Variants in SKAP2 observed in about 807,000 individuals in gnomAD.
The protein encoded by SKAP2 is src kinase associated phosphoprotein 2, also known as src kinase-associated phosphoprotein 2.
SKAP2 carries 28 observed loss-of-function variants against 54.9 expected under a neutral mutation model. The observed-to-expected ratio is 0.51, with a 90% confidence interval of 0.38 to 0.70. The LOEUF is 0.70. SKAP2 is among the 30% of genes least tolerant of loss of function. The pLI is 0.00. For missense variants in SKAP2, 356 were observed against 424.1 expected (o/e 0.84, Z 1.41); for synonymous variants, 137 against 134.3 (o/e 1.02, Z -0.14).
chr7:26,754,201 T>G (rs937641172), intron 4 of SKAP2, among the ~76,000 whole-genome samples: 6 of 151,912 alleles, frequency 3.9e-5, no homozygotes, highest in Non-Finnish European at 8.8e-5. Flanking sequence ...CCTTCTCCAC[T>G]GAAAATACAA....
chr7:26,760,855 C>G (rs916926728), intron 4 of SKAP2, among the ~76,000 whole-genome samples: 1 of 152,072 alleles, frequency 6.6e-6, no homozygotes, highest in Non-Finnish European at 1.5e-5. Flanking sequence ...CATGAAAGAA[C>G]TGTCTGACCA....
chr7:26,753,829 T>A (rs12700760), intron 4 of SKAP2, among the ~76,000 whole-genome samples: 94,060 of 151,886 alleles, frequency 0.62, 29,701 homozygotes, highest in East Asian at 0.88. Flanking sequence ...ATAAAGAGAT[T>A]CAAGAAACCA....
chr7:26,785,156 T>C (rs933484942), intron 4 of SKAP2, among the ~76,000 whole-genome samples: 1 of 152,062 alleles, frequency 6.6e-6, no homozygotes, highest in Non-Finnish European at 1.5e-5. Context: ...GGAAAAAAGA[T>C]CATGCCTTTA....
chr7:26,752,005 G>T (rs1180086784), intron 4 of SKAP2, among the ~76,000 whole-genome samples: 1 of 152,056 alleles, frequency 6.6e-6, no homozygotes, highest in African/African-American at 2.4e-5. Context: ...TGGGGTGAAA[G>T]GTATATGGGA....
At chr7:26,730,065 T>C (rs1787789880) in intron 6 of SKAP2, among the ~76,000 whole-genome samples, 1 of 152,112 alleles carries the variant, frequency 6.6e-6, no homozygotes, top group Non-Finnish European at 1.5e-5. Flanking sequence ...TGCAGAACCA[T>C]AACCATGAAG....
chr7:26,757,200 T>G (rs926143949), intron 4 of SKAP2, among the ~76,000 whole-genome samples: 14 of 152,248 alleles, frequency 9.2e-5, no homozygotes, highest in African/African-American at 1.4e-4. Context: ...GTCAATTTTG[T>G]CTTTTGTTGC....
intron 1 of SKAP2, chr7:26,857,785 G>C: frequency 1.0e-6 from 1 of 955,986 alleles, no homozygotes; most frequent in Non-Finnish European, 1.2e-6. Context: ...CAAGCAATAA[G>C]AGTCTTGGGC....
At chr7:26,718,764 A>G (rs1584349673) in intron 9 of SKAP2, among the ~76,000 whole-genome samples, 1 of 151,940 alleles carries the variant, frequency 6.6e-6, no homozygotes, top group Non-Finnish European at 1.5e-5. Context: ...TCGGCCTCCC[A>G]AAGTGCTGGG....
intron 9 of SKAP2, among the ~76,000 whole-genome samples, chr7:26,720,405 A>C (rs916760305): frequency 4.6e-5 from 7 of 152,230 alleles, no homozygotes; most frequent in African/African-American, 1.4e-4. Context: ...CTATGAACAA[A>C]TATTCAGCAA....
Position 26,826,920 on chromosome 7 carries a change from A to C in SKAP2, c.307+17110T>G, listed in dbSNP as rs911615860. On this transcript the variant is annotated intron_variant, in intron 4 of 12. Transcript: ENST00000345317. ...TCTTACTACTTTTATTTTAAAAATCAATTACATCTTATAAGACATATTTTC... is the reference window on the plus strand; with the variant it reads ...TCTTACTACTTTTATTTTAAAAATCCATTACATCTTATAAGACATATTTTC... Among the ~76,000 whole-genome samples the C allele has an allele frequency of 3.9e-5, 6 of 152,326 alleles. 1 individual carries two copies. The highest frequency in any genetic ancestry group is 1.9e-4 in the East Asian group (1 of 5,186).
Position 26,725,714 on chromosome 7 carries a change from T to A in SKAP2, c.659-149A>T. On this transcript the variant is annotated intron_variant, in intron 8 of 12. Coordinates refer to ENST00000345317, the MANE Select transcript of SKAP2 (RefSeq NM_003930.5). ...CTAAAAACATGTTTAAAAATTGTTT[T>A]GTAAATATGTGAATTTTAAAGTAAG... 3.1e-6 allele frequency: 3 copies of A among 975,826 alleles called. No homozygotes were observed. The South Asian group carries it at 5.4e-5, about 17-fold the overall frequency. 60.4% of individuals were successfully genotyped at this position (975,826 alleles called of 1,614,324 possible).
chr7:26,854,718 T>C, intron 2 of SKAP2, 67 bp downstream of exon 2: 1 of 1,437,154 alleles, frequency 7.0e-7, no homozygotes, highest in Non-Finnish European at 9.4e-7. Flanking sequence ...ATCGATTTCT[T>C]ATTAAAATGT....
intron 9 of SKAP2, among the ~76,000 whole-genome samples, chr7:26,706,107 T>C (rs900554861): frequency 5.3e-5 from 8 of 152,204 alleles, no homozygotes; most frequent in African/African-American, 1.9e-4. Flanking sequence ...ACAATAACTC[T>C]TTCTAACAAA....
chr7:26,771,451 T>C (rs1783186713), intron 4 of SKAP2, among the ~76,000 whole-genome samples: 1 of 152,184 alleles, frequency 6.6e-6, no homozygotes, highest in Non-Finnish European at 1.5e-5. Flanking sequence ...ATTCACAAAG[T>C]TATAGTGAAC....
intron 4 of SKAP2, among the ~76,000 whole-genome samples, chr7:26,780,213 T>C (rs1783397825): frequency 6.6e-6 from 1 of 152,112 alleles, no homozygotes; most frequent in Non-Finnish European, 1.5e-5. Flanking sequence ...AATGAGTTAA[T>C]GTGTGAAAAG....
chr7:26,850,234 T>G (rs570057818), intron 3 of SKAP2, among the ~76,000 whole-genome samples: 1 of 152,176 alleles, frequency 6.6e-6, no homozygotes, highest in African/African-American at 2.4e-5. Flanking sequence ...TTCGGGAGGA[T>G]ACTTTATAAT....
chr7:26,797,312 G>A (rs1174720676), intron 4 of SKAP2, among the ~76,000 whole-genome samples: 3 of 152,190 alleles, frequency 2.0e-5, no homozygotes, highest in Non-Finnish European at 4.4e-5. Flanking sequence ...GGCCGCCACG[G>A]GGGTGCCTGT....
Position 26,844,140 on chromosome 7 carries a change from G to A in SKAP2, c.200-3C>T, listed in dbSNP as rs199787931. 1.5e-4 allele frequency: 226 copies of A among 1,470,156 alleles called. 1 individual carries two copies. The East Asian group carries it at 2.9e-3, about 19-fold the overall frequency. The allele number at this position is 1,470,156 out of a possible 1,614,324, so 91.1% of individuals were successfully genotyped here. ...TTCTTCCCCATCTTCTGCATCACCT[G>A]TTAAAAAAAAAAAAAATCAGAGAAC... On this transcript the variant is annotated splice_polypyrimidine_tract_variant and splice_region_variant and intron_variant, in intron 3 of 12. Transcript: ENST00000345317.
At chr7:26,739,242 G>T (rs1431038504) in intron 5 of SKAP2, among the ~76,000 whole-genome samples, 1 of 152,156 alleles carries the variant, frequency 6.6e-6, no homozygotes, top group Non-Finnish European at 1.5e-5. Flanking sequence ...ATCTCTTTCA[G>T]TTTTAAAATT....
Sources: gnomAD v4.1 joint callset for allele counts (sites outside exome capture counted in the v4.1 genomes callset) on GRCh38, gnomAD v4.1.1 for gene constraint, MANE v1.5 for transcripts, NCBI Gene and HGNC (gene_info 2026-07-23, HGNC 2026-07-21) for gene names.